Variants in PHF24 observed in about 807,000 individuals in gnomAD.
The protein encoded by PHF24 is PHD finger protein 24, also known as Galpha inhibitory interacting protein.
In PHF24, 25 loss-of-function variants were observed where a neutral mutation model predicts 42.6. The ratio of observed to expected loss-of-function variants is 0.59; its 90% CI spans 0.43 to 0.82. PHF24 has a LOEUF of 0.82. Ranked by LOEUF, PHF24 falls within the 40% of genes least tolerant of loss-of-function variation. PHF24 has a pLI of 0.00. For missense variants in PHF24, 470 were observed against 538.1 expected (o/e 0.87, Z 1.25); for synonymous variants, 185 against 204.8 (o/e 0.90, Z 0.83).
chr9:34,843,708 A>G, the PHF24 span, among the ~76,000 whole-genome samples: 1 of 152,240 alleles, frequency 6.6e-6, no homozygotes, highest in South Asian at 2.1e-4. Context: ...TTATTTCACC[A>G]TGCTTGGCTA....
At chr9:34,972,358 G>C in exon 3 of PHF24, 2 of 1,603,542 alleles carry the variant, frequency 1.2e-6, no homozygotes, top group African/African-American at 2.7e-5. Flanking sequence ...TGTCAACGAT[G>C]AGATGTGTGA....
At chr9:34,959,489 AC>A (rs752142240) in intron 1 of PHF24, among the ~76,000 whole-genome samples, 1 of 152,244 alleles carries the variant, frequency 6.6e-6, no homozygotes, top group Non-Finnish European at 1.5e-5. Flanking sequence ...GGGAAAAAGT[AC>A]TAAGGAGCAG....
At chr9:34,725,870 A>G in the PHF24 span, 3 of 1,552,074 alleles carry the variant, frequency 1.9e-6, no homozygotes, top group Non-Finnish European at 2.6e-6. Context: ...CACATTTTCA[A>G]TCTTGGGGAG....
At chr9:34,725,119 G>A in the PHF24 span, 194,250 of 1,547,590 alleles carry the variant, frequency 0.13, 8,932 homozygotes, top group Middle Eastern at 0.19. Context: ...CCACTGCCAG[G>A]ACCCCAGAAA....
the PHF24 span, among the ~76,000 whole-genome samples, chr9:34,856,345 A>G: frequency 3.3e-5 from 5 of 152,188 alleles, no homozygotes; most frequent in African/African-American, 9.6e-5. Flanking sequence ...TTTGGAGAAG[A>G]GGCACTCTAT....
chr9:34,946,002 G>A, the PHF24 span, among the ~76,000 whole-genome samples: 1 of 152,304 alleles, frequency 6.6e-6, no homozygotes, highest in South Asian at 2.1e-4. Context: ...TGTTGGCTGA[G>A]AACAGTCGAT....
At chr9:34,948,926 C>G in the PHF24 span, among the ~76,000 whole-genome samples, 1 of 152,186 alleles carries the variant, frequency 6.6e-6, no homozygotes, top group Non-Finnish European at 1.5e-5. Context: ...AGAACAAGAA[C>G]TATTACCAGG....
At chr9:34,762,776 C>T in the PHF24 span, among the ~76,000 whole-genome samples, 5 of 152,204 alleles carry the variant, frequency 3.3e-5, no homozygotes, top group South Asian at 1.0e-3. Flanking sequence ...ATTGCCCATG[C>T]CTATGTCTTG....
upstream of PHF24, among the ~76,000 whole-genome samples, chr9:34,957,388 A>G (rs937723461): frequency 2.0e-5 from 3 of 152,222 alleles, no homozygotes; most frequent in Non-Finnish European, 4.4e-5. Context: ...GCATATCTTC[A>G]ATTTTTCCTT....
the PHF24 span, among the ~76,000 whole-genome samples, chr9:34,735,931 G>A: frequency 1.3e-5 from 2 of 152,098 alleles, 1 homozygote; most frequent in African/African-American, 4.8e-5. Context: ...GAAATGGTAG[G>A]CAGCCTTCCT....
At chr9:34,815,030 C>T in the PHF24 span, among the ~76,000 whole-genome samples, 1 of 152,238 alleles carries the variant, frequency 6.6e-6, no homozygotes, top group Admixed American at 6.5e-5. Flanking sequence ...CCGCGCTTGG[C>T]ACAATTCTTG....
the PHF24 span, among the ~76,000 whole-genome samples, chr9:34,727,820 G>C: frequency 6.6e-6 from 1 of 152,146 alleles, no homozygotes; most frequent in African/African-American, 2.4e-5. Flanking sequence ...CCCTAGCACA[G>C]AACTGAACTG....
chr9:34,725,772 G>C, the PHF24 span: 1 of 1,549,354 alleles, frequency 6.5e-7, no homozygotes, highest in Non-Finnish European at 8.7e-7. Context: ...GGGGAAGAGG[G>C]TGGGGCTGAC....
At chr9:34,717,589 T>C in the PHF24 span, among the ~76,000 whole-genome samples, 1 of 152,094 alleles carries the variant, frequency 6.6e-6, no homozygotes, top group Non-Finnish European at 1.5e-5. Context: ...CACAGCCACA[T>C]TGTTGAGACC....
At chr9:34,752,569 A>G in the PHF24 span, among the ~76,000 whole-genome samples, 1 of 152,204 alleles carries the variant, frequency 6.6e-6, no homozygotes, top group East Asian at 1.9e-4. Flanking sequence ...AGAAAAGCCC[A>G]GGACCTGATA....
chr9:34,817,507 A>G, the PHF24 span, among the ~76,000 whole-genome samples: 1 of 152,130 alleles, frequency 6.6e-6, no homozygotes, highest in African/African-American at 2.4e-5. Context: ...CACCTCCCAA[A>G]GTCCTGGGGA....
chr9:34,764,547 C>T, the PHF24 span, among the ~76,000 whole-genome samples: 1 of 151,286 alleles, frequency 6.6e-6, no homozygotes, highest in Non-Finnish European at 1.5e-5. Flanking sequence ...TGGTGATATC[C>T]CCTTTATCAT....
chr9:34,787,363 G>C, the PHF24 span, among the ~76,000 whole-genome samples: 1 of 152,044 alleles, frequency 6.6e-6, no homozygotes, highest in South Asian at 2.1e-4. Context: ...TTCAGTGTCA[G>C]AAGGGTGAGA....
At chr9:34,696,176 A>G in the PHF24 span, among the ~76,000 whole-genome samples, 1 of 152,156 alleles carries the variant, frequency 6.6e-6, no homozygotes, top group Non-Finnish European at 1.5e-5. Flanking sequence ...TGATTGTGCT[A>G]GTAAAATTCC....
Sources: gnomAD v4.1 joint callset for allele counts (sites outside exome capture counted in the v4.1 genomes callset) on GRCh38, gnomAD v4.1.1 for gene constraint, MANE v1.5 for transcripts, NCBI Gene and HGNC (gene_info 2026-07-23, HGNC 2026-07-21) for gene names.